Variants in IFT43 observed in about 807,000 individuals in gnomAD.
IFT43 encodes the protein intraflagellar transport protein 43 homolog.
IFT43 carries 33 observed loss-of-function variants against 32.3 expected under a neutral mutation model. That is an observed-to-expected ratio of 1.02 (90% CI 0.77 to 1.37). IFT43 has a LOEUF of 1.37. IFT43 is among the 40% of genes most tolerant of loss of function. IFT43 has a pLI of 0.00. For missense variants in IFT43, 274 were observed against 265.9 expected (o/e 1.03, Z -0.21); for synonymous variants, 93 against 98.2 (o/e 0.95, Z 0.31).
chr14:76,073,461 G>A (rs956027719), intron 5 of IFT43, among the ~76,000 whole-genome samples: 2 of 152,194 alleles, frequency 1.3e-5, no homozygotes, highest in Non-Finnish European at 2.9e-5. Flanking sequence ...GAAATCTGGG[G>A]AAGAGGTAAT....
chr14:76,044,447 C>T (rs1007913135), intron 3 of IFT43, among the ~76,000 whole-genome samples: 2 of 152,204 alleles, frequency 1.3e-5, no homozygotes, highest in African/African-American at 4.8e-5. Context: ...GTGCCACCCT[C>T]CCATCACCTG....
At chr14:76,014,639 C>G (rs1367651460) in intron 2 of IFT43, among the ~76,000 whole-genome samples, 1 of 152,046 alleles carries the variant, frequency 6.6e-6, no homozygotes, top group Non-Finnish European at 1.5e-5. Context: ...ACAAGCCCCA[C>G]TTTGCCCATA....
chr14:76,051,544 C>G (rs909914359), intron 3 of IFT43, among the ~76,000 whole-genome samples: 1 of 152,010 alleles, frequency 6.6e-6, no homozygotes, highest in African/African-American at 2.4e-5. Flanking sequence ...TAAAGTAGAG[C>G]CTTGGTTCTG....
Position 76,030,366 on chromosome 14 carries a change from C to T in IFT43, c.215+7972C>T, listed in dbSNP as rs567038846. On this transcript the variant is annotated intron_variant, in intron 3 of 8. Transcript: ENST00000314067. Reference sequence around the variant, plus strand: ...AGTACGTGCTTGCTTTTCAACGCAGCAAGATATTCCAGAATAAATTTGTAT... The same window carrying T: ...AGTACGTGCTTGCTTTTCAACGCAGTAAGATATTCCAGAATAAATTTGTAT... Among the ~76,000 whole-genome samples, 7 of 152,188 alleles carry T rather than the reference C, an allele frequency of 4.6e-5. No individual in the cohort carries two copies. The East Asian group carries it at 1.4e-3, about 29-fold the overall frequency.
intron 2 of IFT43, among the ~76,000 whole-genome samples, chr14:76,017,557 A>G (rs980567783): frequency 7.2e-5 from 11 of 152,078 alleles, no homozygotes; most frequent in Non-Finnish European, 1.5e-4. Flanking sequence ...TGTCAGAGTA[A>G]TACTGGCTTT....
At chr14:76,051,108 T>C (rs552611819) in intron 3 of IFT43, among the ~76,000 whole-genome samples, 2 of 151,478 alleles carry the variant, frequency 1.3e-5, no homozygotes, top group African/African-American at 4.9e-5. Flanking sequence ...TGAACTGTGC[T>C]GGCAGGAGCT....
intron 3 of IFT43, among the ~76,000 whole-genome samples, chr14:76,043,349 G>C (rs999656887): frequency 6.7e-6 from 1 of 148,230 alleles, no homozygotes; most frequent in African/African-American, 2.5e-5. Context: ...AGAAGGGTAG[G>C]TGGGCAAGGT....
chr14:76,047,877 A>G (rs1172812972), intron 3 of IFT43, among the ~76,000 whole-genome samples: 1 of 151,890 alleles, frequency 6.6e-6, no homozygotes, highest in Non-Finnish European at 1.5e-5. Flanking sequence ...TGGGGAACAG[A>G]TGTGGGTGGG....
intron 2 of IFT43, among the ~76,000 whole-genome samples, chr14:76,007,729 ATGT>A (rs1362794334): frequency 5.9e-5 from 9 of 152,308 alleles, no homozygotes; most frequent in Admixed American, 5.2e-4. Context: ...TTTATGATGA[ATGT>A]TGAAAAGAAT....
intron 3 of IFT43, among the ~76,000 whole-genome samples, chr14:76,044,655 C>G (rs1436408292): frequency 2.0e-5 from 3 of 152,142 alleles, no homozygotes; most frequent in Non-Finnish European, 4.4e-5. Flanking sequence ...ATCCAGGAGT[C>G]CCCCCATTCA....
rs1357637372 is a variant in IFT43, at chr14:76,076,669, G to A, written c.296-5626G>A. On this transcript the variant is annotated intron_variant, in intron 5 of 8. Transcript: ENST00000314067. ...ACAAAACGCATCACAGAGATTTGGG[G>A]CTGGCTTCATTGGAAGAGGCAGGTA... The A allele has an allele frequency of 6.2e-6, 10 of 1,614,198 alleles. No homozygotes were observed. The highest frequency in any genetic ancestry group is 8.5e-6 in the Non-Finnish European group (10 of 1,180,036).
chr14:76,019,198 C>T (rs1433395673), intron 2 of IFT43, among the ~76,000 whole-genome samples: 1 of 151,904 alleles, frequency 6.6e-6, no homozygotes, highest in African/African-American at 2.4e-5. Context: ...TTTATACTGT[C>T]TTGTGTTTTC....
At position 76,083,265 on chromosome 14, in the gene IFT43, C is replaced by A. The variant is rs537627328; in HGVS notation, c.483C>A (p.Leu161=). The change falls in exon 8 of 9, where the codon CTC becomes CTA. Residue 161 remains leucine (L), a synonymous_variant. Transcript: ENST00000314067. ...ACCTGAAACTCCTCACCAAAGTGCT[C>A]GCGCCGGAGCACGAAGTCCGGGAGG... ...EIDLKLLTKV[L]APEHEVREDD... is the part of the protein sequence containing the mutation. The A allele has an allele frequency of 3.1e-6, 5 of 1,614,024 alleles. No homozygotes were observed. Among genetic ancestry groups the A allele is most frequent in the Non-Finnish European group, 4.2e-6 (5 of 1,179,914 alleles).
intron 2 of IFT43, among the ~76,000 whole-genome samples, chr14:76,016,065 G>A (rs1170516413): frequency 1.3e-5 from 2 of 152,034 alleles, no homozygotes; most frequent in African/African-American, 4.8e-5. Context: ...TGCATATTCT[G>A]GATGCTCGTT....
Position 76,075,630 on chromosome 14 carries a change from T to G in IFT43, c.296-6665T>G, listed in dbSNP as rs2037399725. Among the ~76,000 whole-genome samples, 6 of 152,350 alleles carry G rather than the reference T, an allele frequency of 3.9e-5. No individual in the cohort carries two copies. In the South Asian group the frequency reaches 1.2e-3, roughly 32 times the overall value. ...ATGGAGTGTCCACAGGGACAGAATT[T>G]GCTGAACACGGCTCTTTGTAAATGA... is the stretch of plus-strand genomic sequence containing the variant. On this transcript the variant is annotated intron_variant, in intron 5 of 8. Transcript: ENST00000314067.
chr14:76,037,309 T>C (rs1025534034), intron 3 of IFT43, among the ~76,000 whole-genome samples: 2 of 152,218 alleles, frequency 1.3e-5, no homozygotes, highest in African/African-American at 4.8e-5. Flanking sequence ...GTCATTCCAC[T>C]TTCAGCCTGT....
In IFT43 at chr14:76,022,002, G is replaced by A. The variant is rs1031494734; in HGVS notation, c.148-325G>A. The stretch of plus-strand genomic sequence containing the variant: ...GCGGTGGCTCACGCCTGTAATCCCA[G>A]CACTTTGGGAGGCCCAGGTGGGCGG... On this transcript the variant is annotated intron_variant, in intron 2 of 8. Transcript: ENST00000314067. Among the ~76,000 whole-genome samples, 7 of 152,220 alleles carry A rather than the reference G, an allele frequency of 4.6e-5. No individual in the cohort carries two copies. In the East Asian group the frequency reaches 1.2e-3, roughly 25 times the overall value.
At chr14:75,999,252 TATATATATATATA>T (rs2035818433) in intron 2 of IFT43, among the ~76,000 whole-genome samples, 1 of 11,452 alleles carries the variant, frequency 8.7e-5, no homozygotes, top group African/African-American at 3.8e-4. Context: ...TATATATATA[TATATATATATATA>T]TATATATGTA....
chr14:76,028,390 A>G (rs1392366798), intron 3 of IFT43, among the ~76,000 whole-genome samples: 1 of 152,050 alleles, frequency 6.6e-6, no homozygotes, highest in Non-Finnish European at 1.5e-5. Context: ...TTTTCCTATA[A>G]AGAAGAATTT....
Sources: gnomAD v4.1 joint callset for allele counts (sites outside exome capture counted in the v4.1 genomes callset) on GRCh38, gnomAD v4.1.1 for gene constraint, MANE v1.5 for transcripts, NCBI Gene and HGNC (gene_info 2026-07-23, HGNC 2026-07-21) for gene names.